DDR2: variants seen among roughly 807,000 people sequenced by gnomAD.
The protein encoded by DDR2 is discoidin domain receptor tyrosine kinase 2, also known as discoidin domain-containing receptor 2.
A neutral mutation model predicts 94.9 loss-of-function variants in DDR2; 27 were observed. That is an observed-to-expected ratio of 0.28 (90% CI 0.21 to 0.39). The LOEUF is 0.39. Ranked by LOEUF, DDR2 falls within the 10% of genes least tolerant of loss-of-function variation. The pLI is 1.00. For missense variants in DDR2, 783 were observed against 1,076.0 expected (o/e 0.73, Z 3.81); for synonymous variants, 382 against 377.2 (o/e 1.01, Z -0.15).
chr1:162,671,197 G>T (rs1473662239), intron 2 of DDR2, among the ~76,000 whole-genome samples: 1 of 152,082 alleles, frequency 6.6e-6, no homozygotes, highest in African/African-American at 2.4e-5. Context: ...AGGTCGTGGG[G>T]CACAGTAGAA....
rs777147820 is a variant in DDR2 at position 162,754,706 on chromosome 1, G to A, written c.268G>A (p.Asp90Asn). 64 of 1,614,004 alleles carry A rather than the reference G, an allele frequency of 4.0e-5. No individual in the cohort carries two copies. The South Asian group carries it at 7.0e-4, about 18-fold the overall frequency. Residue 90 changes from aspartate to asparagine, a missense_variant, in exon 5 of 18, where the codon GAC becomes AAC. Coordinates refer to ENST00000367921, the MANE Select transcript of DDR2 (RefSeq NM_006182.4). ...TGACCTGAAGGAGTTTCTGCAGATTGACTTGCACACCCTCCATTTTATCAC... is the reference window on the plus strand; with the variant it reads ...TGACCTGAAGGAGTTTCTGCAGATTAACTTGCACACCCTCCATTTTATCAC... ...PDDLKEFLQIDLHTLHFITLV... is the reference protein window; with the variant it reads ...PDDLKEFLQINLHTLHFITLV...
chr1:162,729,292 ATATATATATTT>A (rs1429727409), intron 3 of DDR2, among the ~76,000 whole-genome samples: 689 of 23,798 alleles, frequency 0.029, 2 homozygotes, highest in African/African-American at 0.051. Flanking sequence ...ATATATATAT[ATATATATATTT>A]TTTTTTTTTT....
intron 2 of DDR2, among the ~76,000 whole-genome samples, chr1:162,673,612 A>T (rs964923807): frequency 3.5e-4 from 32 of 91,826 alleles, no homozygotes; most frequent in African/African-American, 1.5e-3. Flanking sequence ...TGTGTGTGAG[A>T]GAGAGAGAGA....
Position 162,759,887 on chromosome 1 carries a change from G to A in DDR2, c.763G>A (p.Asp255Asn), listed in dbSNP as rs2102150259. The change falls in exon 8 of 18, where the codon GAC becomes AAC. Residue 255 changes from aspartate to asparagine, a missense_variant. Physicochemically the swap from Asp to Asn is conservative, Grantham distance 23. Around this residue, in one of 2 missense-constraint regions of DDR2, gnomAD observed 519 missense variants for 647.9 expected, o/e 0.80. Transcript: ENST00000367921. ...TGAATACCACGTGTGGCCCGGCTAT[G>A]ACTATGTGGGCTGGCGGAACGAGAG... ...THEYHVWPGY[D>N]YVGWRNESAT... is the part of the protein sequence containing the mutation. 1 of 1,614,154 alleles carries A rather than the reference G, an allele frequency of 6.2e-7. No individual in the cohort carries two copies.
chr1:162,775,941 T>A, intron 15 of DDR2, 98 bp downstream of exon 15: 1 of 1,522,792 alleles, frequency 6.6e-7, no homozygotes, highest in Non-Finnish European at 9.0e-7. Flanking sequence ...ATCAATGTTC[T>A]GGGATGGTGG....
intron 3 of DDR2, among the ~76,000 whole-genome samples, chr1:162,728,161 A>T (rs374720194): frequency 7.6e-4 from 105 of 137,556 alleles, no homozygotes; most frequent in African/African-American, 2.6e-3. Context: ...TATCTATATA[A>T]ATATATAGAT....
chr1:162,737,928 C>A (rs541043899), intron 3 of DDR2, among the ~76,000 whole-genome samples: 1 of 151,800 alleles, frequency 6.6e-6, no homozygotes, highest in Non-Finnish European at 1.5e-5. Context: ...AGCATTTTTT[C>A]ATGTGTTTTT....
intron 3 of DDR2, among the ~76,000 whole-genome samples, chr1:162,748,197 C>T (rs1001889567): frequency 2.6e-4 from 40 of 152,150 alleles, no homozygotes; most frequent in Non-Finnish European, 5.1e-4. Context: ...TTAAAAGACA[C>T]AGACTGGCAA....
chr1:162,635,348 C>T (rs1232755738), intron 1 of DDR2, among the ~76,000 whole-genome samples: 3 of 152,124 alleles, frequency 2.0e-5, no homozygotes, highest in East Asian at 3.9e-4. Flanking sequence ...ATTTTCAATT[C>T]GCATGAGCTC....
chr1:162,660,514 A>G (rs1369400701), intron 2 of DDR2, among the ~76,000 whole-genome samples: 2 of 152,200 alleles, frequency 1.3e-5, no homozygotes, highest in African/African-American at 4.8e-5. Context: ...CAGAATCTGT[A>G]ATTTGATTGG....
chr1:162,665,016 A>G (rs1447020350), intron 2 of DDR2, among the ~76,000 whole-genome samples: 2 of 152,212 alleles, frequency 1.3e-5, no homozygotes, highest in African/African-American at 2.4e-5. Flanking sequence ...TCTCTTACAT[A>G]TACAGAATTG....
rs2102206887 is a variant in DDR2 at position 162,778,684 on chromosome 1, G to C, written c.2388G>C (p.Gln796His). ...EQPYSQLSDE[Q>H]VIENTGEFFR... Reference sequence around the variant, plus strand: ...CCTATTCCCAGCTGTCAGATGAACAGGTTATTGAGAATACTGGAGAGTTCT... The same window carrying C: ...CCTATTCCCAGCTGTCAGATGAACACGTTATTGAGAATACTGGAGAGTTCT... Residue 796 changes from glutamine to histidine, a missense_variant, in exon 17 of 18, where the codon CAG becomes CAC. Transcript: ENST00000367921. The C allele has an allele frequency of 6.2e-7, 1 of 1,614,014 alleles. No individual in the cohort carries two copies. Among genetic ancestry groups the C allele is most frequent in the East Asian group, 2.2e-5 (1 of 44,874 alleles).
In DDR2 at chr1:162,787,065, A is replaced by G. The variant is rs1314913603; in HGVS notation, c.*6819A>G. The G allele has an allele frequency of 6.6e-6, 1 of 152,136 alleles. No individual in the cohort carries two copies. The highest frequency in any genetic ancestry group is 1.5e-5 in the Non-Finnish European group (1 of 68,032). 9.4% of individuals were successfully genotyped at this position (152,136 alleles called of 1,614,324 possible). ...AACGACCCCAAACAACCCATTTCTT[A>G]CCTGGTCTCTGAGAATAAGTTTATA... is the stretch of plus-strand genomic sequence containing the variant. On this transcript the variant is annotated 3_prime_UTR_variant, in exon 18 of 18. Transcript: ENST00000367921.
intron 3 of DDR2, among the ~76,000 whole-genome samples, chr1:162,737,061 ATTTTC>A (rs1251991444): frequency 6.9e-6 from 1 of 145,562 alleles, no homozygotes; most frequent in Non-Finnish European, 1.5e-5. Context: ...TATGTACCAC[ATTTTC>A]TTTTCTTTTC....
intron 8 of DDR2, among the ~76,000 whole-genome samples, chr1:162,760,615 G>T (rs1475759924): frequency 1.3e-5 from 2 of 148,158 alleles, no homozygotes; most frequent in East Asian, 2.0e-4. Context: ...TATACAACTA[G>T]ATATATATAT....
intron 2 of DDR2, among the ~76,000 whole-genome samples, chr1:162,702,059 C>A (rs1241485245): frequency 6.6e-6 from 1 of 152,226 alleles, no homozygotes; most frequent in East Asian, 1.9e-4. Flanking sequence ...AGTCACAAAG[C>A]CCAATTTACC....
intron 2 of DDR2, among the ~76,000 whole-genome samples, chr1:162,662,827 A>T (rs1166849144): frequency 6.6e-6 from 1 of 152,058 alleles, no homozygotes; most frequent in Non-Finnish European, 1.5e-5. Context: ...AACAAGCAGA[A>T]GAGAATCAAG....
intron 3 of DDR2, among the ~76,000 whole-genome samples, chr1:162,732,598 A>G (rs1662109467): frequency 1.3e-5 from 2 of 152,240 alleles, no homozygotes; most frequent in South Asian, 2.1e-4. Context: ...CTGGGCTCCA[A>G]CGTTTTATGA....
At chr1:162,649,251 C>A (rs960758985) in intron 1 of DDR2, among the ~76,000 whole-genome samples, 5 of 152,076 alleles carry the variant, frequency 3.3e-5, no homozygotes, top group African/African-American at 7.2e-5. Flanking sequence ...TTTTGACTAT[C>A]CAAGAGAGGG....
Sources: gnomAD v4.1 joint callset for allele counts (sites outside exome capture counted in the v4.1 genomes callset) on GRCh38, gnomAD v4.1.1 for gene constraint, gnomAD v4.1.1 regional missense constraint, MANE v1.5 for transcripts, NCBI Gene and HGNC (gene_info 2026-07-23, HGNC 2026-07-21) for gene names.